Variants in PRMT8 observed in about 807,000 individuals in gnomAD.
PRMT8 encodes protein arginine N-methyltransferase 8.
A neutral mutation model predicts 47.1 loss-of-function variants in PRMT8; 7 were observed. The ratio of observed to expected loss-of-function variants is 0.15; its 90% CI spans 0.08 to 0.28. The LOEUF (loss-of-function observed/expected upper bound fraction) is 0.28. Ranked by LOEUF, PRMT8 falls within the 10% of genes least tolerant of loss-of-function variation. PRMT8 has a pLI of 1.00. For missense variants in PRMT8, 237 were observed against 505.4 expected, an observed-to-expected ratio of 0.47 and a Z score of 5.09; for synonymous variants, 188 against 186.5, an observed-to-expected ratio of 1.01 and a Z score of -0.07.
intron 1 of PRMT8, among the ~76,000 whole-genome samples, chr12:3,517,528 A>C (rs1395077268): frequency 6.6e-6 from 1 of 152,094 alleles, no homozygotes; most frequent in Non-Finnish European, 1.5e-5. Flanking sequence ...AAGGTAGGAA[A>C]ATTGAACTAT....
At chr12:3,478,803 G>A (rs926085643) in intron 1 of PRMT8, among the ~76,000 whole-genome samples, 3 of 152,254 alleles carry the variant, frequency 2.0e-5, no homozygotes, top group African/African-American at 4.8e-5. Flanking sequence ...GCAAGTGCAA[G>A]CTGCCCTCCT....
At chr12:3,523,728 T>C (rs1176146308) in intron 1 of PRMT8, among the ~76,000 whole-genome samples, 1 of 152,206 alleles carries the variant, frequency 6.6e-6, no homozygotes, top group Non-Finnish European at 1.5e-5. Flanking sequence ...AGGCAGGCAT[T>C]GCATGTTGGC....
At chr12:3,451,773 C>T (rs544674317) in intron 1 of PRMT8, among the ~76,000 whole-genome samples, 1 of 152,112 alleles carries the variant, frequency 6.6e-6, no homozygotes, top group Non-Finnish European at 1.5e-5. Flanking sequence ...TTAAAGGAAA[C>T]CTCTGGAACA....
Position 3,580,584 on chromosome 12 carries a change from C to G in PRMT8, c.829-2474C>G, listed in dbSNP as rs1342928900. Among the ~76,000 whole-genome samples the G allele has an allele frequency of 1.3e-5, 2 of 152,124 alleles. No homozygotes were observed. The highest frequency in any genetic ancestry group is 4.8e-5 in the African/African-American group (2 of 41,408). On this transcript the variant is annotated intron_variant, in intron 7 of 9. Transcript: ENST00000382622. This position sits in a 1 kb window ranked among gnomAD's most constrained non-coding sequence, Gnocchi z 4.6. ...ACATATTGCTGTGTATTAGGTGCTG[C>G]TGTGCACTGAGGATACACAGGACAA... is the stretch of plus-strand genomic sequence containing the variant.
Position 3,491,362 on chromosome 12 carries a change from G to A in PRMT8, c.-264G>A. On this transcript the variant is annotated 5_prime_UTR_variant, in exon 1 of 10. Coordinates refer to ENST00000382622, the MANE Select transcript of PRMT8 (RefSeq NM_019854.5). The stretch of plus-strand genomic sequence containing the variant: ...GAGCTTAGCCCGCAGCGCGGGTGGA[G>A]AGGGGCGGGGAGGGGGTCGGGGGCA... 8.6e-7 allele frequency: 1 copy of A among 1,158,682 alleles called. No individual in the cohort carries two copies. Among genetic ancestry groups the A allele is most frequent in the Non-Finnish European group, 1.1e-6 (1 of 939,760 alleles). The allele number at this position is 1,158,682 out of a possible 1,614,324, so 71.8% of individuals were successfully genotyped here.
chr12:3,382,919 TCTTGTAGGAATCCA>T (rs1565394907), intron 1 of PRMT8, among the ~76,000 whole-genome samples: 1 of 152,216 alleles, frequency 6.6e-6, no homozygotes, highest in Non-Finnish European at 1.5e-5. Flanking sequence ...AGCTTTTTTC[TCTTGTAGGAATCCA>T]ATTGCTCCAG....
chr12:3,491,891 G>GTTT (rs1865415470), intron 1 of PRMT8, among the ~76,000 whole-genome samples, 191 bp downstream of exon 1: 1 of 94,604 alleles, frequency 1.1e-5, no homozygotes, highest in Non-Finnish European at 2.3e-5. Flanking sequence ...TGTGTGTGTT[G>GTTT]GTGGGGGGTG....
rs1032376234 is a variant in PRMT8, at chr12:3,538,900, C to T, written c.76-1706C>T. Among the ~76,000 whole-genome samples the T allele has an allele frequency of 1.3e-5, 2 of 152,208 alleles. No individual in the cohort carries two copies. ...TGATGTTGCTAAACTGGGAAGTCTG[C>T]TTATTTCCCAAGGGCGGTAGCCTAG... On this transcript the variant is annotated intron_variant, in intron 1 of 9. Coordinates refer to ENST00000382622, the MANE Select transcript of PRMT8 (RefSeq NM_019854.5). This position sits in a 1 kb window ranked among gnomAD's most constrained non-coding sequence, Gnocchi z 4.6.
chr12:3,447,713 A>G (rs1009742597), intron 1 of PRMT8, among the ~76,000 whole-genome samples: 1 of 152,144 alleles, frequency 6.6e-6, no homozygotes, highest in African/African-American at 2.4e-5. Context: ...GCTTTTTTGG[A>G]ATAATGAGGA....
At chr12:3,448,519 T>C (rs560896999) in intron 1 of PRMT8, among the ~76,000 whole-genome samples, 1 of 152,314 alleles carries the variant, frequency 6.6e-6, no homozygotes, top group Non-Finnish European at 1.5e-5. Flanking sequence ...TTGGAACTAC[T>C]GAAATTTTGG....
intron 2 of PRMT8, among the ~76,000 whole-genome samples, chr12:3,543,831 T>A (rs1402417276): frequency 6.6e-6 from 1 of 152,174 alleles, no homozygotes; most frequent in African/African-American, 2.4e-5. Context: ...GTGGAAGATG[T>A]GTGCTTCCTG....
intron 1 of PRMT8, among the ~76,000 whole-genome samples, chr12:3,511,665 C>T (rs946571104): frequency 2.0e-5 from 3 of 152,170 alleles, no homozygotes; most frequent in Non-Finnish European, 2.9e-5. Context: ...CCCAGTTTTT[C>T]GGCTCTGGGC....
At chr12:3,488,217 T>C (rs1865340093), upstream of PRMT8, among the ~76,000 whole-genome samples, 1 of 152,202 alleles carries the variant, frequency 6.6e-6, no homozygotes, top group Non-Finnish European at 1.5e-5. Flanking sequence ...CTCTGGCATA[T>C]AGTAAGTGTT....
intron 1 of PRMT8, among the ~76,000 whole-genome samples, chr12:3,442,389 C>A (rs1002237312): frequency 1.3e-5 from 2 of 151,732 alleles, no homozygotes; most frequent in Non-Finnish European, 2.9e-5. Context: ...GGCTGCCTCC[C>A]AGAACTCTGT....
chr12:3,549,409 C>T (rs1217316412), intron 2 of PRMT8, among the ~76,000 whole-genome samples: 2 of 152,166 alleles, frequency 1.3e-5, no homozygotes, highest in African/African-American at 4.8e-5. Flanking sequence ...AACATGTTCT[C>T]CTTGGGTCAG....
rs143772293 is a variant in PRMT8 at position 3,580,337 on chromosome 12, C to CCGTGT, written c.829-2721_829-2720insCGTGT. On this transcript the variant is annotated intron_variant, in intron 7 of 9. Coordinates refer to ENST00000382622, the MANE Select transcript of PRMT8 (RefSeq NM_019854.5). This position sits in a 1 kb window ranked among gnomAD's most constrained non-coding sequence, Gnocchi z 4.6. ...TCCTGCCAGATGGGGGGTGCGTGTG[C>CCGTGT]GTGTGTGTGTGTGTGTGTGTGTGTG... Among the ~76,000 whole-genome samples the CCGTGT allele has an allele frequency of 6.9e-6, 1 of 145,538 alleles. No homozygotes were observed. Among genetic ancestry groups the CCGTGT allele is most frequent in the African/African-American group, 2.5e-5 (1 of 39,520 alleles).
At position 3,593,821 on chromosome 12, in the gene PRMT8, G is replaced by T. The variant is rs1867369290; in HGVS notation, c.*639G>T. 6.5e-6 allele frequency: 1 copy of T among 153,410 alleles called. No individual in the cohort carries two copies. The highest frequency in any genetic ancestry group is 1.5e-5 in the Non-Finnish European group (1 of 68,666). The allele number at this position is 153,410 out of a possible 1,614,324, so 9.5% of individuals were successfully genotyped here. A position where few individuals can be genotyped will look rare whatever the true frequency, so the allele number is the denominator to read the frequency against. ...TGAATAGGAATTTGTTTTGTGATTA[G>T]TTCGCCCCTTCCCCACCCCTTACCA... On this transcript the variant is annotated 3_prime_UTR_variant, in exon 10 of 10. Transcript: ENST00000382622. The surrounding 1 kb of genome is among the most constrained non-coding windows in gnomAD (Gnocchi z 4.8).
chr12:3,395,312 A>G lies in PRMT8; in HGVS notation c.48+13870A>G, dbSNP rs1293364195. 5.6e-4 allele frequency among the ~76,000 whole-genome samples: 84 copies of G among 149,836 alleles called. 2 individuals are homozygous for G. Among genetic ancestry groups the G allele is most frequent in the Non-Finnish European group, 1.0e-4 (7 of 66,756 alleles). On this transcript the variant is annotated intron_variant, in intron 1 of 9. Coordinates refer to the PRMT8 transcript ENST00000452611. ...CTTTTAATTGTGATGTTAGGGTGTC[A>G]ATTTTAGATCTTTCCTGCTTTCTCT...
intron 1 of PRMT8, among the ~76,000 whole-genome samples, chr12:3,479,964 G>C (rs528587441): frequency 3.9e-5 from 6 of 152,296 alleles, no homozygotes; most frequent in South Asian, 4.1e-4. Flanking sequence ...GGGGGAGGAT[G>C]GGAGAGGGAC....
Sources: gnomAD v4.1 joint callset for allele counts (sites outside exome capture counted in the v4.1 genomes callset) on GRCh38, gnomAD v4.1.1 for gene constraint, Gnocchi (gnomAD v3.1) non-coding constraint, MANE v1.5 for transcripts, NCBI Gene and HGNC (gene_info 2026-07-23, HGNC 2026-07-21) for gene names.